ACSBG1: variants seen among roughly 807,000 people sequenced by gnomAD.
ACSBG1 encodes the protein acyl-CoA synthetase bubblegum family member 1.
Under a neutral mutation model 80.2 loss-of-function variants are expected in ACSBG1, and 39 were observed. The ratio of observed to expected loss-of-function variants is 0.49; its 90% CI spans 0.38 to 0.64. The LOEUF (loss-of-function observed/expected upper bound fraction) is 0.64. Among genes scored for constraint, ACSBG1 ranks in the 30% least tolerant of loss-of-function variants. ACSBG1 has a pLI of 0.00. For missense variants in ACSBG1, 828 were observed against 966.4 expected, an observed-to-expected ratio of 0.86 and a Z score of 1.90; for synonymous variants, 392 against 379.5, an observed-to-expected ratio of 1.03 and a Z score of -0.38.
chr15:78,194,456 G>T, intron 3 of ACSBG1, 50 bp downstream of exon 3: 1 of 1,569,942 alleles, frequency 6.4e-7, no homozygotes, highest in Non-Finnish European at 8.7e-7. Context: ...CCCAGAGCTG[G>T]GAGGCACATC....
intron 1 of ACSBG1, among the ~76,000 whole-genome samples, chr15:78,228,094 C>A (rs962600834): frequency 6.6e-6 from 1 of 152,166 alleles, no homozygotes; most frequent in African/African-American, 2.4e-5. Flanking sequence ...CTGCTCGGGG[C>A]CAGAGTCTGA....
chr15:78,223,701 C>A (rs900378253), intron 1 of ACSBG1, among the ~76,000 whole-genome samples: 1 of 152,188 alleles, frequency 6.6e-6, no homozygotes, highest in Admixed American at 6.5e-5. Context: ...TGTGACCCAG[C>A]AAATGGAAAG....
At chr15:78,203,530 G>A (rs908333202) in intron 2 of ACSBG1, among the ~76,000 whole-genome samples, 4 of 152,200 alleles carry the variant, frequency 2.6e-5, no homozygotes, top group East Asian at 3.8e-4. Flanking sequence ...TCCCTCTGCC[G>A]CTTCCTCCCT....
rs374255553 is a variant in ACSBG1, at chr15:78,190,570, T to TA, written c.663+2935dup. Among the ~76,000 whole-genome samples the TA allele has an allele frequency of 8.9e-4, 115 of 129,238 alleles. 1 individual carries two copies. The highest frequency in any genetic ancestry group is 4.1e-3 in the Admixed American group (51 of 12,446). The allele number at this position is 129,238 out of a possible 152,430, so 84.8% of individuals were successfully genotyped here. On this transcript the variant is annotated intron_variant, in intron 5 of 13. Transcript: ENST00000258873. ...TGGGTGACAAAGTGAGACCCTGTCT[T>TA]AAAAAAAAAAAAGAAAAAAGAAAGA...
chr15:78,181,898 G>A (rs2074949009), intron 8 of ACSBG1, 71 bp downstream of exon 8: 1 of 1,547,966 alleles, frequency 6.5e-7, no homozygotes. Flanking sequence ...AATGCACTCA[G>A]GGCCCACAGA....
chr15:78,233,760 G>A (rs2075469305), intron 1 of ACSBG1, among the ~76,000 whole-genome samples: 1 of 152,228 alleles, frequency 6.6e-6, no homozygotes. Context: ...CTGGGACTGA[G>A]TCTCATCTTC....
chr15:78,180,622 C>T (rs1211150759), intron 9 of ACSBG1, 133 bp downstream of exon 9: 9 of 1,159,892 alleles, frequency 7.8e-6, no homozygotes, highest in Non-Finnish European at 1.1e-5. Flanking sequence ...TTGATGGGGC[C>T]TCTGCACGGG....
intron 1 of ACSBG1, among the ~76,000 whole-genome samples, chr15:78,226,793 T>TATATATATATAATATATATA (rs71148506): frequency 3.9e-5 from 5 of 129,018 alleles, no homozygotes; most frequent in Non-Finnish European, 6.4e-5. Flanking sequence ...AAAATATATA[T>TATATATATATAATATATATA]ATATATATAA....
intron 2 of ACSBG1, among the ~76,000 whole-genome samples, chr15:78,202,125 T>C (rs1289639788): frequency 6.6e-6 from 1 of 152,156 alleles, no homozygotes; most frequent in East Asian, 1.9e-4. Context: ...ATGCTGGTTG[T>C]CACCTGAGCA....
At chr15:78,183,209 C>T (rs4306467) in intron 5 of ACSBG1, among the ~76,000 whole-genome samples, 5 of 152,146 alleles carry the variant, frequency 3.3e-5, no homozygotes, top group Admixed American at 6.5e-5. Flanking sequence ...TTACAATATG[C>T]GCATAGTATG....
chr15:78,203,534 C>T (rs80253791), intron 2 of ACSBG1, among the ~76,000 whole-genome samples: 2,143 of 152,292 alleles, frequency 0.014, 19 homozygotes, highest in South Asian at 0.036. Flanking sequence ...TCTGCCGCTT[C>T]CTCCCTCTGC....
intron 2 of ACSBG1, among the ~76,000 whole-genome samples, chr15:78,207,340 T>C (rs892799011): frequency 1.3e-5 from 2 of 152,236 alleles, no homozygotes; most frequent in African/African-American, 4.8e-5. Context: ...GCAGCTGGTC[T>C]GGCAGCAGTG....
At chr15:78,231,570 G>C (rs935489507) in intron 1 of ACSBG1, among the ~76,000 whole-genome samples, 4 of 152,116 alleles carry the variant, frequency 2.6e-5, no homozygotes, top group African/African-American at 9.7e-5. Flanking sequence ...ACAGGTGTGA[G>C]CCACTGTGCC....
At chr15:78,209,278 CAGA>C (rs1387287499) in intron 1 of ACSBG1, 6 of 455,452 alleles carry the variant, frequency 1.3e-5, no homozygotes, top group African/African-American at 2.0e-5. Context: ...CGAAAGATAT[CAGA>C]AGGTTATGAA....
chr15:78,218,311 C>T (rs2075329526), intron 1 of ACSBG1, among the ~76,000 whole-genome samples: 1 of 152,046 alleles, frequency 6.6e-6, no homozygotes, highest in Admixed American at 6.6e-5. Flanking sequence ...GGTGAGGCTT[C>T]TGCCAGTGGA....
chr15:78,194,449 A>C, intron 3 of ACSBG1, 57 bp downstream of exon 3: 1 of 1,558,826 alleles, frequency 6.4e-7, no homozygotes, highest in Non-Finnish European at 8.8e-7. Context: ...TGTGAGGCCC[A>C]GAGCTGGGAG....
chr15:78,173,524 C>T (rs2074848649), intron 13 of ACSBG1, 69 bp downstream of exon 13: 1 of 1,571,178 alleles, frequency 6.4e-7, no homozygotes, highest in Non-Finnish European at 8.6e-7. Context: ...CTAACAGGCA[C>T]CTCCTAGGCA....
At chr15:78,193,816 G>A in intron 4 of ACSBG1, 116 bp downstream of exon 4, 2 of 1,445,940 alleles carry the variant, frequency 1.4e-6, no homozygotes, top group Non-Finnish European at 1.9e-6. Flanking sequence ...AGGCCCCAGG[G>A]AGGAGGCAGG....
In ACSBG1 at chr15:78,180,832, C is replaced by A. The variant is rs1259089978; in HGVS notation, c.1176G>T (p.Gln392His). The change falls in exon 9 of 14, where the codon CAG (glutamine) becomes CAT (histidine). Residue 392 changes from glutamine (Q) to histidine (H), a missense_variant. Coordinates refer to ENST00000258873, the MANE Select transcript of ACSBG1 (RefSeq NM_015162.5). ...IMERIQEVAA[Q>H]SGFIRRKMLL... ...GCATCTTTCGCCGGATGAAGCCAGA[C>A]TGAGCCGCCACCTCCTGGATGCGCT... 1 of 1,614,230 alleles carries A rather than the reference C, an allele frequency of 6.2e-7. No individual in the cohort carries two copies. Among genetic ancestry groups the A allele is most frequent in the South Asian group, 1.1e-5 (1 of 91,088 alleles).
Sources: allele counts gnomAD v4.1 joint callset (sites outside exome capture counted in the v4.1 genomes callset), GRCh38; gene constraint gnomAD v4.1.1; transcripts MANE v1.5; gene names NCBI Gene and HGNC (gene_info 2026-07-23, HGNC 2026-07-21).